The following NAALADL2 variants were observed in gnomAD, a reference collection of about 807,000 sequenced individuals.
NAALADL2 encodes N-acetylated alpha-linked acidic dipeptidase like 2, also known as inactive N-acetylated-alpha-linked acidic dipeptidase-like protein 2.
Under a neutral mutation model 87.2 loss-of-function variants are expected in NAALADL2, and 76 were observed. The ratio of observed to expected loss-of-function variants is 0.87; its 90% CI spans 0.72 to 1.05. The LOEUF (loss-of-function observed/expected upper bound fraction) is 1.05. Among genes scored for constraint, NAALADL2 ranks in the 50% least tolerant of loss-of-function variants. The pLI is 0.00. For missense variants in NAALADL2, 1,089 were observed against 945.8 expected (o/e 1.15, Z -1.99); for synonymous variants, 354 against 331.0 (o/e 1.07, Z -0.75).
chr3:174,588,225 G>T (rs1320891266), intron 2 of NAALADL2, among the ~76,000 whole-genome samples: 3 of 152,088 alleles, frequency 2.0e-5, no homozygotes, highest in African/African-American at 7.2e-5. Flanking sequence ...GCTCCATCAG[G>T]TCATTAAGGT....
At chr3:175,781,339 C>A (rs1751037201) in intron 13 of NAALADL2, among the ~76,000 whole-genome samples, 1 of 151,950 alleles carries the variant, frequency 6.6e-6, no homozygotes, top group Non-Finnish European at 1.5e-5. Context: ...CTATAGTGGT[C>A]TCATAAGATT....
intron 2 of NAALADL2, among the ~76,000 whole-genome samples, chr3:174,649,223 A>G (rs1724113479): frequency 6.6e-6 from 1 of 152,094 alleles, no homozygotes; most frequent in Non-Finnish European, 1.5e-5. Flanking sequence ...TCGGCCTCTC[A>G]AAGTGCTGGG....
chr3:175,467,909 T>C (rs547257231), intron 8 of NAALADL2, among the ~76,000 whole-genome samples: 1 of 152,258 alleles, frequency 6.6e-6, no homozygotes, highest in African/African-American at 2.4e-5. Flanking sequence ...ATTGGATTGA[T>C]AGAAAGTCTA....
intron 3 of NAALADL2, among the ~76,000 whole-genome samples, chr3:174,761,508 CTTAGA>C (rs1468795094): frequency 2.0e-5 from 3 of 152,080 alleles, no homozygotes; most frequent in Non-Finnish European, 4.4e-5. Flanking sequence ...ACGTAGATGA[CTTAGA>C]TTATCTGTGT....
intron 3 of NAALADL2, among the ~76,000 whole-genome samples, chr3:174,851,377 A>T: frequency 6.6e-6 from 1 of 151,648 alleles, no homozygotes; most frequent in East Asian, 1.9e-4. Context: ...AAAAAAAAAA[A>T]AAAAATCAGA....
At chr3:174,496,166 G>A (rs145025040) in intron 1 of NAALADL2, among the ~76,000 whole-genome samples, 25 of 152,210 alleles carry the variant, frequency 1.6e-4, no homozygotes, top group South Asian at 8.3e-4. Context: ...TTGAGCATCC[G>A]TCACTATTTC....
chr3:174,940,153 A>T (rs747659111), intron 1 of NAALADL2, among the ~76,000 whole-genome samples: 3 of 152,148 alleles, frequency 2.0e-5, no homozygotes, highest in African/African-American at 7.2e-5. Flanking sequence ...TGCATTTGTC[A>T]TAGATGGCTC....
chr3:175,699,717 A>G (rs995678857), intron 11 of NAALADL2, among the ~76,000 whole-genome samples: 2 of 151,652 alleles, frequency 1.3e-5, no homozygotes, highest in African/African-American at 4.9e-5. Flanking sequence ...AAATCAGTAT[A>G]TTTATTGAGT....
intron 5 of NAALADL2, among the ~76,000 whole-genome samples, chr3:175,404,500 A>G (rs1711940378): frequency 6.6e-6 from 1 of 152,168 alleles, no homozygotes; most frequent in African/African-American, 2.4e-5. Flanking sequence ...AAACAAGAAC[A>G]TACATATCCA....
chr3:174,457,404 G>A (rs1161751455), intron 1 of NAALADL2, among the ~76,000 whole-genome samples: 1 of 152,122 alleles, frequency 6.6e-6, no homozygotes, highest in East Asian at 1.9e-4. Context: ...ACATGCATGT[G>A]TCAATTGCAG....
intron 1 of NAALADL2, among the ~76,000 whole-genome samples, chr3:175,011,834 G>A (rs925658151): frequency 6.6e-6 from 1 of 152,082 alleles, no homozygotes; most frequent in African/African-American, 2.4e-5. Flanking sequence ...GATATCCTAA[G>A]ACTCTTCTGT....
At chr3:175,737,714 G>GT (rs71164650) in intron 12 of NAALADL2, among the ~76,000 whole-genome samples, 5,680 of 54,604 alleles carry the variant, frequency 0.1, 1,259 homozygotes, top group African/African-American at 0.12. Context: ...CAATGATCCA[G>GT]TTTTTTTTTT....
intron 9 of NAALADL2, among the ~76,000 whole-genome samples, chr3:175,555,976 A>C (rs978885593): frequency 3.9e-5 from 6 of 152,182 alleles, no homozygotes; most frequent in Non-Finnish European, 8.8e-5. Context: ...AACTTCCTTT[A>C]ACTTTTAAGA....
At chr3:175,177,625 T>C (rs1050901163) in intron 2 of NAALADL2, among the ~76,000 whole-genome samples, 4 of 152,152 alleles carry the variant, frequency 2.6e-5, no homozygotes, top group African/African-American at 9.6e-5. Context: ...AAATGCAAAA[T>C]ATAAAAGGAG....
At chr3:174,910,442 A>G (rs1733549654) in intron 1 of NAALADL2, among the ~76,000 whole-genome samples, 1 of 152,140 alleles carries the variant, frequency 6.6e-6, no homozygotes. Flanking sequence ...TTAGCTAAGG[A>G]AAAGAGAATA....
At chr3:174,569,155 G>A (rs1714631818) in intron 2 of NAALADL2, among the ~76,000 whole-genome samples, 1 of 151,694 alleles carries the variant, frequency 6.6e-6, no homozygotes, top group African/African-American at 2.4e-5. Context: ...AAGATTGTAA[G>A]ATTAGCTAAC....
Position 175,573,943 on chromosome 3 carries a change from G to A in NAALADL2, c.1654-2098G>A, listed in dbSNP as rs957679141. On this transcript the variant is annotated intron_variant, in intron 9 of 13. Transcript: ENST00000454872. Reference sequence around the variant, plus strand: ...AAAATAGTTGTAAACACATTAAGCAGAAACACTGCCTTGTCTGTAAACTGA... The same window carrying A: ...AAAATAGTTGTAAACACATTAAGCAAAAACACTGCCTTGTCTGTAAACTGA... Among the ~76,000 whole-genome samples, 10 of 152,138 alleles carry A rather than the reference G, an allele frequency of 6.6e-5. No individual in the cohort carries two copies. The South Asian group carries it at 1.2e-3, about 19-fold the overall frequency.
At chr3:175,755,508 CAGT>C in intron 13 of NAALADL2, 90 bp downstream of exon 13, 1 of 914,754 alleles carries the variant, frequency 1.1e-6, no homozygotes, top group Non-Finnish European at 1.5e-6. Flanking sequence ...ATGAACATAA[CAGT>C]AGTGTAAAAG....
At chr3:175,130,530 G>T (rs1237276729) in intron 2 of NAALADL2, among the ~76,000 whole-genome samples, 1 of 152,130 alleles carries the variant, frequency 6.6e-6, no homozygotes, top group African/African-American at 2.4e-5. Context: ...CGTGGTGTAA[G>T]ACAAGGGTCC....
Sources: allele counts gnomAD v4.1 joint callset (sites outside exome capture counted in the v4.1 genomes callset), GRCh38; gene constraint gnomAD v4.1.1; transcripts MANE v1.5; gene names NCBI Gene and HGNC (gene_info 2026-07-23, HGNC 2026-07-21).